The following CD207 variants were observed in gnomAD, a reference collection of about 807,000 sequenced individuals.
The protein encoded by CD207 is C-type lectin domain family 4 member K.
In CD207, 28 loss-of-function variants were observed where a neutral mutation model predicts 31.6. The observed-to-expected ratio is 0.89, with a 90% CI of 0.66 to 1.21. The LOEUF is 1.21. Ranked by LOEUF, CD207 falls within the 50% of genes most tolerant of loss-of-function variation. CD207 has a pLI of 0.00. For missense variants in CD207, 388 were observed against 397.8 expected (o/e 0.98, Z 0.21); for synonymous variants, 168 against 153.9 (o/e 1.09, Z -0.68).
intron 2 of CD207, among the ~76,000 whole-genome samples, 159 bp from the exon 3 acceptor site, chr2:70,834,179 C>T (rs1473649914): frequency 2.0e-5 from 3 of 152,152 alleles, no homozygotes; most frequent in African/African-American, 4.8e-5. Context: ...CATTCATTAA[C>T]GTACAACAAA....
chr2:70,827,856 G>A (rs1335472537), downstream of CD207, among the ~76,000 whole-genome samples: 1 of 152,144 alleles, frequency 6.6e-6, no homozygotes, highest in Non-Finnish European at 1.5e-5. Flanking sequence ...ACATGTTCAC[G>A]AGCATTAGGA....
downstream of CD207, among the ~76,000 whole-genome samples, chr2:70,829,602 G>A (rs1677419211): frequency 1.3e-5 from 2 of 152,206 alleles, no homozygotes; most frequent in East Asian, 3.8e-4. Context: ...GGATATATCT[G>A]GTGAGAGGCA....
rs367803358 is a variant in CD207, at chr2:70,835,553, C to A, written c.128G>T (p.Arg43Leu). The change falls in exon 2 of 6, where the codon CGT becomes CTT. Residue 43 changes from arginine to leucine, a missense_variant. Arg to Leu is a moderately radical substitution (Grantham distance 102). Transcript: ENST00000410009. ...CAGCGTCAGGCAGATTAATGCAGCACGGACTGTGGGTGTTTTCCCCGGGAC... is the reference window on the plus strand; with the variant it reads ...CAGCGTCAGGCAGATTAATGCAGCAAGGACTGTGGGTGTTTTCCCCGGGAC... ...SLVPGKTPTV[R>L]AALICLTLVL... The A allele has an allele frequency of 6.2e-7, 1 of 1,613,860 alleles. No homozygotes were observed. The highest frequency in any genetic ancestry group is 2.2e-5 in the East Asian group (1 of 44,902).
At position 70,830,765 on chromosome 2, in the gene CD207, C is replaced by T. The variant is rs142322494; in HGVS notation, c.*285G>A. 1.2e-3 allele frequency: 343 copies of T among 289,350 alleles called. 2 individuals carry two copies. Among genetic ancestry groups the T allele is most frequent in the African/African-American group, 6.5e-3 (304 of 46,638 alleles). The allele number at this position is 289,350 out of a possible 1,614,324, so 17.9% of individuals were successfully genotyped here. A position where few individuals can be genotyped will look rare whatever the true frequency, so the allele number is the denominator to read the frequency against. On this transcript the variant is annotated 3_prime_UTR_variant, in exon 6 of 6. Coordinates refer to ENST00000410009, the MANE Select transcript of CD207 (RefSeq NM_015717.5). ...AGTGGAAAACCCCAGGGTGTTATGC[C>T]GGATTACGGGTCTTGATCCTCCTTA...
At chr2:70,833,592 G>T in intron 3 of CD207, 54 bp downstream of exon 3, 1 of 1,517,224 alleles carries the variant, frequency 6.6e-7, no homozygotes. Flanking sequence ...TCTGGGACAG[G>T]TAAGATCCCA....
At chr2:70,827,085 GTCACACTCCT>G (rs1161863049), downstream of CD207, among the ~76,000 whole-genome samples, 22 of 152,188 alleles carry the variant, frequency 1.4e-4, no homozygotes, top group African/African-American at 4.6e-4. Flanking sequence ...CCTCAGGCCT[GTCACACTCCT>G]TCTCTGCATT....
At position 70,830,842 on chromosome 2, in the gene CD207, C is replaced by T. The variant is rs540751386; in HGVS notation, c.*208G>A. 11 of 465,130 alleles carry T rather than the reference C, an allele frequency of 2.4e-5. No individual in the cohort carries two copies. Among genetic ancestry groups the T allele is most frequent in the Admixed American group, 1.0e-4 (3 of 29,650 alleles). The allele number at this position is 465,130 out of a possible 1,614,324, so 28.8% of individuals were successfully genotyped here. A position where few individuals can be genotyped will look rare whatever the true frequency, so the allele number is the denominator to read the frequency against. ...TCTCTACCCACCCCTCCCACTTTAA[C>T]CTGAATTCTCCTTTCCATTCCAGCT... On this transcript the variant is annotated 3_prime_UTR_variant, in exon 6 of 6. Coordinates refer to ENST00000410009, the MANE Select transcript of CD207 (RefSeq NM_015717.5).
chr2:70,833,162 G>A (rs374213451), intron 3 of CD207, 111 bp from the exon 4 acceptor site: 9 of 991,580 alleles, frequency 9.1e-6, no homozygotes, highest in East Asian at 2.4e-5. Flanking sequence ...GGAGCTGTGC[G>A]CTGGTGTCCT....
chr2:70,828,657 A>G (rs1336508717), downstream of CD207, among the ~76,000 whole-genome samples: 2 of 151,732 alleles, frequency 1.3e-5, no homozygotes, highest in Admixed American at 6.6e-5. Context: ...GCCAACTATA[A>G]TCCTCTGCAG....
At chr2:70,833,263 A>G (rs1553400195) in intron 3 of CD207, among the ~76,000 whole-genome samples, 1 of 152,116 alleles carries the variant, frequency 6.6e-6, no homozygotes, top group African/African-American at 2.4e-5. Context: ...AGAGGTTATA[A>G]TGCAAGAGGT....
rs782227601 is a variant in CD207 at position 70,832,861 on chromosome 2, A to G, written c.717+39T>C. The G allele has an allele frequency of 1.5e-5, 23 of 1,583,004 alleles. No homozygotes were observed. In the South Asian group the frequency reaches 2.7e-4, roughly 18 times the overall value. ...GCCCATCCTCCCTGGCCCAGTGCTC[A>G]TACGCCCCCTTCACAGAGCCCATAG... On this transcript the variant is annotated intron_variant, in intron 4 of 5. Transcript: ENST00000410009.
At chr2:70,834,197 TG>T (rs1677550406) in intron 2 of CD207, among the ~76,000 whole-genome samples, 177 bp from the exon 3 acceptor site, 1 of 152,134 alleles carries the variant, frequency 6.6e-6, no homozygotes, top group African/African-American at 2.4e-5. Flanking sequence ...AAACGTGCAA[TG>T]GGCACCTACC....
the CD207 span, among the ~76,000 whole-genome samples, chr2:70,824,315 A>T: frequency 6.7e-6 from 1 of 148,830 alleles, no homozygotes; most frequent in African/African-American, 2.5e-5. Flanking sequence ...TCGTCTCCTA[A>T]CTGTTCTCCC....
downstream of CD207, among the ~76,000 whole-genome samples, chr2:70,826,370 T>TAACTA (rs782453918): frequency 9.7e-6 from 1 of 103,328 alleles, no homozygotes; most frequent in Non-Finnish European, 2.2e-5. Flanking sequence ...AATAAATAAA[T>TAACTA]AATTAAATTA....
intron 3 of CD207, among the ~76,000 whole-genome samples, chr2:70,833,317 T>C (rs6760131): frequency 0.035 from 5,358 of 152,218 alleles, 336 homozygotes; most frequent in African/African-American, 0.12. Context: ...CAACCCTCCA[T>C]CGGCCATGAC....
At position 70,835,471 on chromosome 2, in the gene CD207, G is replaced by A. The variant is rs374036641; in HGVS notation, c.190+20C>T. On this transcript the variant is annotated intron_variant, in intron 2 of 5. Transcript: ENST00000410009. ...CCACAGAGAGGGGCTAAGCCCAGAC[G>A]ATGAAACATGAGGACTTACAAAGGA... The A allele has an allele frequency of 1.2e-4, 183 of 1,573,784 alleles. No individual in the cohort carries two copies. The highest frequency in any genetic ancestry group is 1.4e-4 in the Non-Finnish European group (158 of 1,144,632).
intron 2 of CD207, among the ~76,000 whole-genome samples, chr2:70,834,800 A>T (rs3771404): frequency 1.3e-5 from 2 of 151,982 alleles, no homozygotes; most frequent in Non-Finnish European, 2.9e-5. Context: ...AGAAAAAAAA[A>T]CCCAACAGCT....
At chr2:70,827,549 C>A (rs1553399043), downstream of CD207, among the ~76,000 whole-genome samples, 1 of 152,164 alleles carries the variant, frequency 6.6e-6, no homozygotes, top group Non-Finnish European at 1.5e-5. Context: ...CCAACCAGGG[C>A]AACAATGCCA....
downstream of CD207, among the ~76,000 whole-genome samples, chr2:70,827,741 G>GGA (rs1677379115): frequency 6.6e-6 from 1 of 151,750 alleles, no homozygotes; most frequent in Non-Finnish European, 1.5e-5. Flanking sequence ...GAGAAAAAGA[G>GGA]GAGAGAGAGA....
Sources: allele counts gnomAD v4.1 joint callset (sites outside exome capture counted in the v4.1 genomes callset), GRCh38; gene constraint gnomAD v4.1.1; transcripts MANE v1.5; gene names NCBI Gene and HGNC (gene_info 2026-07-23, HGNC 2026-07-21).